Variants in CHMP4B observed in about 807,000 individuals in gnomAD.
CHMP4B encodes charged multivesicular body protein 4B.
A neutral mutation model predicts 25.1 loss-of-function variants in CHMP4B; 1 was observed. The ratio of observed to expected loss-of-function variants is 0.04; its 90% CI spans 0.01 to 0.19. The LOEUF (loss-of-function observed/expected upper bound fraction) is 0.19. Ranked by LOEUF, CHMP4B falls within the 10% of genes least tolerant of loss-of-function variation. The pLI is 1.00. For missense variants in CHMP4B, 151 were observed against 289.7 expected (o/e 0.52, Z 3.48); for synonymous variants, 101 against 115.6 (o/e 0.87, Z 0.81).
At position 33,811,362 on chromosome 20, in the gene CHMP4B, C is replaced by T. The variant is rs979006133; in HGVS notation, c.-107C>T. 1.3e-5 allele frequency: 12 copies of T among 959,694 alleles called. 1 individual carries two copies. The Middle Eastern group carries it at 1.2e-3, about 94-fold the overall frequency. 59.4% of individuals were successfully genotyped at this position (959,694 alleles called of 1,614,324 possible). A position where few individuals can be genotyped will look rare whatever the true frequency, so the allele number is the denominator to read the frequency against. ...GCGGAGGCGGAGGAGAGGCCTGCGGCGGCAGGGAGCGGCGGGACTGGGAGC... is the reference window on the plus strand; with the variant it reads ...GCGGAGGCGGAGGAGAGGCCTGCGGTGGCAGGGAGCGGCGGGACTGGGAGC... On this transcript the variant is annotated 5_prime_UTR_variant, in exon 1 of 5. Coordinates refer to ENST00000217402, the MANE Select transcript of CHMP4B (RefSeq NM_176812.5).
intron 1 of CHMP4B, among the ~76,000 whole-genome samples, chr20:33,845,417 G>C (rs1453155738): frequency 6.6e-6 from 1 of 151,536 alleles, no homozygotes; most frequent in Non-Finnish European, 1.5e-5. Flanking sequence ...CTGCCTCCTG[G>C]GTTCAAGCAA....
chr20:33,825,880 C>T (rs1392190706), intron 1 of CHMP4B, among the ~76,000 whole-genome samples: 1 of 152,188 alleles, frequency 6.6e-6, no homozygotes, highest in East Asian at 1.9e-4. Flanking sequence ...AAAGAGCCAG[C>T]TCCTTCCAGG....
intron 1 of CHMP4B, among the ~76,000 whole-genome samples, chr20:33,829,877 A>T (rs1979192216): frequency 6.6e-6 from 1 of 152,108 alleles, no homozygotes; most frequent in Non-Finnish European, 1.5e-5. Flanking sequence ...CAGACAGTAG[A>T]TAGTAGATAG....
intron 1 of CHMP4B, among the ~76,000 whole-genome samples, chr20:33,813,039 G>A (rs1332614745): frequency 1.3e-5 from 2 of 152,102 alleles, no homozygotes; most frequent in East Asian, 3.9e-4. Context: ...TGGTCTGATA[G>A]GGAGTGGTGG....
chr20:33,832,260 C>T (rs1979272956), intron 1 of CHMP4B, among the ~76,000 whole-genome samples: 2 of 152,110 alleles, frequency 1.3e-5, no homozygotes. Flanking sequence ...AAAAGCCAGT[C>T]GGAAAAGAAA....
chr20:33,832,394 G>C (rs1979276028), intron 1 of CHMP4B, among the ~76,000 whole-genome samples: 1 of 152,180 alleles, frequency 6.6e-6, no homozygotes, highest in South Asian at 2.1e-4. Flanking sequence ...TGGCGGGTGG[G>C]GGAGGAGCTC....
chr20:33,843,644 TC>T lies in CHMP4B; in HGVS notation c.191-4822del, dbSNP rs1421039109. 3.3e-5 allele frequency among the ~76,000 whole-genome samples: 5 copies of T among 152,338 alleles called. No homozygotes were observed. The East Asian group carries it at 9.6e-4, about 29-fold the overall frequency. On this transcript the variant is annotated intron_variant, in intron 1 of 4. Transcript: ENST00000217402. ...TACAGATAGAAGCAAATTTCTGTGGTCAGAAATAAGGTTGGCATGGAGGAAG... is the reference window on the plus strand; with the variant it reads ...TACAGATAGAAGCAAATTTCTGTGGTAGAAATAAGGTTGGCATGGAGGAAG...
At chr20:33,848,372 A>C in intron 1 of CHMP4B, 95 bp from the exon 2 acceptor site, 1 of 1,190,952 alleles carries the variant, frequency 8.4e-7, no homozygotes, top group Non-Finnish European at 1.2e-6. Flanking sequence ...GCAACAACAG[A>C]GGTGCTTCCA....
At chr20:33,833,951 G>A (rs1339098900) in intron 1 of CHMP4B, among the ~76,000 whole-genome samples, 1 of 152,196 alleles carries the variant, frequency 6.6e-6, no homozygotes, top group African/African-American at 2.4e-5. Context: ...TCCTGGTACA[G>A]TAGAATGAGC....
rs563470975 is a variant in CHMP4B, at chr20:33,845,447, C to T, written c.191-3020C>T. Among the ~76,000 whole-genome samples, 7 of 152,170 alleles carry T rather than the reference C, an allele frequency of 4.6e-5. No individual in the cohort carries two copies. In the South Asian group the frequency reaches 8.3e-4, roughly 18 times the overall value. On this transcript the variant is annotated intron_variant, in intron 1 of 4. Transcript: ENST00000217402. The stretch of plus-strand genomic sequence containing the variant: ...AAGCAATTCTCCTGCCTCTGCCTCC[C>T]GAGTAGCTGGGACTACAGGTGCGCG...
At chr20:33,816,830 T>A (rs1256270250) in intron 1 of CHMP4B, among the ~76,000 whole-genome samples, 1 of 152,228 alleles carries the variant, frequency 6.6e-6, no homozygotes, top group Non-Finnish European at 1.5e-5. Context: ...GGTACATTTC[T>A]GTGAATTTAT....
At chr20:33,830,456 G>A (rs1449133262) in intron 1 of CHMP4B, among the ~76,000 whole-genome samples, 1 of 152,182 alleles carries the variant, frequency 6.6e-6, no homozygotes, top group African/African-American at 2.4e-5. Context: ...TCTCAGTTCT[G>A]GAGACTCAGT....
At chr20:33,834,942 A>G (rs1284510355) in intron 1 of CHMP4B, among the ~76,000 whole-genome samples, 1 of 152,196 alleles carries the variant, frequency 6.6e-6, no homozygotes, top group Non-Finnish European at 1.5e-5. Flanking sequence ...AACTAGGACT[A>G]CAGGCACACG....
At chr20:33,812,341 C>T (rs141683989) in intron 1 of CHMP4B, among the ~76,000 whole-genome samples, 200 of 152,308 alleles carry the variant, frequency 1.3e-3, no homozygotes, top group African/African-American at 4.5e-3. Flanking sequence ...TTTGTTGCCT[C>T]GTAGCTTGAC....
At chr20:33,820,940 T>C (rs1978922570) in intron 1 of CHMP4B, among the ~76,000 whole-genome samples, 2 of 152,358 alleles carry the variant, frequency 1.3e-5, no homozygotes, top group East Asian at 3.9e-4. Flanking sequence ...TTTGGAATAC[T>C]AAATTTAGAG....
chr20:33,811,882 C>T (rs565765073), intron 1 of CHMP4B, among the ~76,000 whole-genome samples: 1 of 152,236 alleles, frequency 6.6e-6, no homozygotes, highest in East Asian at 1.9e-4. Flanking sequence ...CCCTCAGCCT[C>T]TCTCCACCCC....
chr20:33,845,002 A>G (rs1260472682), intron 1 of CHMP4B, among the ~76,000 whole-genome samples: 4 of 151,626 alleles, frequency 2.6e-5, no homozygotes, highest in South Asian at 2.1e-4. Context: ...TTTGTAATCC[A>G]CCCGCCTTGG....
At chr20:33,841,230 G>T (rs1402320225) in intron 1 of CHMP4B, among the ~76,000 whole-genome samples, 1 of 152,134 alleles carries the variant, frequency 6.6e-6, no homozygotes, top group East Asian at 1.9e-4. Context: ...AAGTCAGCAG[G>T]GTTTCAGACT....
chr20:33,842,868 G>C (rs1350802217), intron 1 of CHMP4B, among the ~76,000 whole-genome samples: 2 of 152,146 alleles, frequency 1.3e-5, no homozygotes, highest in Non-Finnish European at 2.9e-5. Flanking sequence ...AGTAATGAGT[G>C]TATAGTTATG....
Sources: allele counts gnomAD v4.1 joint callset (sites outside exome capture counted in the v4.1 genomes callset), GRCh38; gene constraint gnomAD v4.1.1; transcripts MANE v1.5; gene names NCBI Gene and HGNC (gene_info 2026-07-23, HGNC 2026-07-21).